Variants in CLVS1 observed in about 807,000 individuals in gnomAD.
CLVS1 encodes clavesin 1.
In CLVS1, 10 loss-of-function variants were observed where a neutral mutation model predicts 33.1. The observed-to-expected ratio is 0.30, with a 90% CI of 0.19 to 0.51. The LOEUF (loss-of-function observed/expected upper bound fraction) is 0.51, where lower values mean the gene tolerates loss of function less well. Ranked by LOEUF, CLVS1 falls within the 20% of genes least tolerant of loss-of-function variation. The pLI is 0.97. For synonymous variants in CLVS1, 163 were observed against 166.1 expected (o/e 0.98, Z 0.14); for missense variants, 343 against 433.4 (o/e 0.79, Z 1.85).
At chr8:61,291,251 G>T (rs1204364417) in intron 1 of CLVS1, among the ~76,000 whole-genome samples, 1 of 152,158 alleles carries the variant, frequency 6.6e-6, no homozygotes, top group Non-Finnish European at 1.5e-5. Flanking sequence ...AAAGTTCCCT[G>T]TGTGGTAGGC....
rs988753674 is a variant in CLVS1, at chr8:61,500,824, C to A, written c.*1282C>A. On this transcript the variant is annotated 3_prime_UTR_variant, in exon 6 of 6. Transcript: ENST00000325897. ...TAATGGGCAGTAAAATATGATTTTA[C>A]ATTATTTTAAATATTTGGGAGAGTT... 1.3e-5 allele frequency: 2 copies of A among 152,078 alleles called. No homozygotes were observed. Among genetic ancestry groups the A allele is most frequent in the Non-Finnish European group, 2.9e-5 (2 of 68,010 alleles). The allele number at this position is 152,078 out of a possible 1,614,324, so 9.4% of individuals were successfully genotyped here.
chr8:61,219,441 T>G (rs551785242), intron 2 of CLVS1, among the ~76,000 whole-genome samples: 1 of 152,342 alleles, frequency 6.6e-6, no homozygotes, highest in African/African-American at 2.4e-5. Context: ...GGATGATGGC[T>G]TCCAGCTTCA....
chr8:61,204,483 G>A (rs1563444024), intron 2 of CLVS1, among the ~76,000 whole-genome samples: 1 of 152,184 alleles, frequency 6.6e-6, no homozygotes, highest in Non-Finnish European at 1.5e-5. Flanking sequence ...TATTAAAAAT[G>A]TACTTAATGC....
the CLVS1 span, among the ~76,000 whole-genome samples, chr8:60,989,395 G>A: frequency 6.6e-6 from 1 of 152,120 alleles, no homozygotes; most frequent in Non-Finnish European, 1.5e-5. Flanking sequence ...AGTCAGGCTG[G>A]TCTTGAATTC....
At chr8:61,462,008 G>A (rs996320143) in intron 5 of CLVS1, among the ~76,000 whole-genome samples, 1 of 152,186 alleles carries the variant, frequency 6.6e-6, no homozygotes, top group African/African-American at 2.4e-5. Context: ...GGTTTTATAA[G>A]GATCATGGGA....
chr8:60,971,071 CTTTTTTTTTTT>C, the CLVS1 span, among the ~76,000 whole-genome samples: 8 of 91,072 alleles, frequency 8.8e-5, no homozygotes, highest in South Asian at 9.4e-4. Context: ...ATGACTTTTC[CTTTTTTTTTTT>C]TTTTTTTTTT....
At chr8:61,396,325 T>G (rs1814526779) in intron 3 of CLVS1, among the ~76,000 whole-genome samples, 1 of 152,166 alleles carries the variant, frequency 6.6e-6, no homozygotes, top group African/African-American at 2.4e-5. Context: ...TATTTTAAAT[T>G]GTAAGTTTAA....
At chr8:61,149,551 C>CAAAAAAAAAAAAAAAAAAAAAAAAAAAAA (rs1166606940) in intron 2 of CLVS1, among the ~76,000 whole-genome samples, 5 of 51,984 alleles carry the variant, frequency 9.6e-5, no homozygotes, top group Admixed American at 2.2e-4. Flanking sequence ...GACTCTGTCT[C>CAAAAAAAAAAAAAAAAAAAAAAAAAAAAA]AAAAAAAAAA....
Position 61,442,145 on chromosome 8 carries a change from T to G in CLVS1, c.631-11996T>G, listed in dbSNP as rs774460580. On this transcript the variant is annotated intron_variant, in intron 3 of 5. Transcript: ENST00000325897. ...GTTCTGTTTCTATAATTTCATCATT[T>G]CAATAATGATTTCATCATTTCAATA... Among the ~76,000 whole-genome samples, 39 of 152,176 alleles carry G rather than the reference T, an allele frequency of 2.6e-4. 1 individual carries two copies. The highest frequency in any genetic ancestry group is 1.3e-4 in the Non-Finnish European group (9 of 68,042).
intron 3 of CLVS1, among the ~76,000 whole-genome samples, chr8:61,438,882 T>C (rs1473229246): frequency 6.6e-6 from 1 of 152,218 alleles, no homozygotes; most frequent in Non-Finnish European, 1.5e-5. Flanking sequence ...GTGCTTAACA[T>C]AGTTCCTGAT....
intron 2 of CLVS1, among the ~76,000 whole-genome samples, chr8:61,152,935 G>A (rs1806569746): frequency 6.6e-6 from 1 of 152,208 alleles, no homozygotes; most frequent in East Asian, 1.9e-4. Context: ...AACACTTTCA[G>A]AAGGTGGGCG....
the CLVS1 span, among the ~76,000 whole-genome samples, chr8:60,981,052 C>G: frequency 6.6e-6 from 1 of 152,062 alleles, no homozygotes; most frequent in Non-Finnish European, 1.5e-5. Flanking sequence ...CTAGAGCCTC[C>G]AAATGGAGGA....
chr8:61,491,937 A>C (rs183925262), intron 5 of CLVS1, among the ~76,000 whole-genome samples: 2 of 152,322 alleles, frequency 1.3e-5, no homozygotes, highest in Admixed American at 1.3e-4. Flanking sequence ...TACTAAGGAC[A>C]TGGGTCTCCT....
At chr8:61,155,896 G>A (rs1806638358) in intron 2 of CLVS1, among the ~76,000 whole-genome samples, 1 of 152,136 alleles carries the variant, frequency 6.6e-6, no homozygotes. Flanking sequence ...CCTCCCTGAG[G>A]GATGTCATCT....
chr8:61,407,597 T>C (rs1460377870), intron 3 of CLVS1, among the ~76,000 whole-genome samples: 8 of 152,224 alleles, frequency 5.3e-5, no homozygotes, highest in Admixed American at 5.2e-4. Context: ...AAATCAATTA[T>C]TGGAGGAAAA....
rs942463221 is a variant in CLVS1, at chr8:61,097,337, A to T, written c.-242-34433A>T. ...AATTAATTAATTAATTAAAAAATAA[A>T]CAAATAATAAATAAAAACTCAGTGT... is the stretch of plus-strand genomic sequence containing the variant. On this transcript the variant is annotated intron_variant, in intron 1 of 2. Coordinates refer to the CLVS1 transcript ENST00000522621. 6.7e-5 allele frequency among the ~76,000 whole-genome samples: 10 copies of T among 150,282 alleles called. No homozygotes were observed. In the East Asian group the frequency reaches 1.9e-3, roughly 29 times the overall value.
chr8:61,287,984 T>A lies in CLVS1; in HGVS notation c.-306T>A, dbSNP rs117448847. 3,633 of 401,128 alleles carry A rather than the reference T, an allele frequency of 9.1e-3. 36 individuals are homozygous for A. The highest frequency in any genetic ancestry group is 0.015 in the Non-Finnish European group (2,903 of 199,890). 24.8% of individuals were successfully genotyped at this position (401,128 alleles called of 1,614,324 possible). ...CGGGCGCACACGCCTCCTACCAAAA[T>A]CACAGCCCCTTGTGGAGCCCGAGCT... On this transcript the variant is annotated 5_prime_UTR_variant, in exon 1 of 6. Coordinates refer to ENST00000325897, the MANE Select transcript of CLVS1 (RefSeq NM_173519.3).
At chr8:61,425,431 T>A (rs1041294795) in intron 3 of CLVS1, among the ~76,000 whole-genome samples, 40 of 151,934 alleles carry the variant, frequency 2.6e-4, no homozygotes, top group Admixed American at 1.4e-3. Context: ...GTGATTTTTT[T>A]AAAAAAAATA....
chr8:61,389,474 T>C (rs754887962), intron 3 of CLVS1, among the ~76,000 whole-genome samples: 1 of 151,490 alleles, frequency 6.6e-6, no homozygotes, highest in Non-Finnish European at 1.5e-5. Context: ...ACCTGGAAGG[T>C]GGAGGTTGCA....
Sources: allele counts gnomAD v4.1 joint callset (sites outside exome capture counted in the v4.1 genomes callset), GRCh38; gene constraint gnomAD v4.1.1; transcripts MANE v1.5; gene names NCBI Gene and HGNC (gene_info 2026-07-23, HGNC 2026-07-21).